LUZP2: variants seen among roughly 807,000 people sequenced by gnomAD.
The protein encoded by LUZP2 is leucine zipper protein 2.
LUZP2 carries 52 observed loss-of-function variants against 51.6 expected under a neutral mutation model. The ratio of observed to expected loss-of-function variants is 1.01; its 90% CI spans 0.81 to 1.27. LUZP2 has a LOEUF of 1.27. LUZP2 is among the 50% of genes most tolerant of loss of function. The pLI, the probability that LUZP2 is intolerant of heterozygous loss-of-function variation, is 0.00. For missense variants in LUZP2, 436 were observed against 395.4 expected (o/e 1.10, Z -0.87); for synonymous variants, 154 against 137.3 (o/e 1.12, Z -0.85).
At chr11:24,654,333 T>C (rs1855730382) in intron 1 of LUZP2, among the ~76,000 whole-genome samples, 1 of 152,242 alleles carries the variant, frequency 6.6e-6, no homozygotes, top group African/African-American at 2.4e-5. Context: ...GCTAAAACTT[T>C]GTCCTCACCC....
In LUZP2 at chr11:24,576,655, T is replaced by C. The variant is rs531623300; in HGVS notation, c.62+79350T>C. On this transcript the variant is annotated intron_variant, in intron 1 of 11. Coordinates refer to ENST00000336930, the MANE Select transcript of LUZP2 (RefSeq NM_001009909.4). ...CCAAACATTCTATTTTTGGAGGTAA[T>C]TGACAAAGTGAAAATTAAAAAGTAG... Among the ~76,000 whole-genome samples the C allele has an allele frequency of 2.6e-5, 4 of 152,012 alleles. No homozygotes were observed. The South Asian group carries it at 6.2e-4, about 24-fold the overall frequency.
intron 1 of LUZP2, among the ~76,000 whole-genome samples, chr11:24,674,693 C>T (rs1490851793): frequency 1.3e-5 from 2 of 152,026 alleles, no homozygotes; most frequent in Non-Finnish European, 2.9e-5. Context: ...TGCTACTGCC[C>T]ATGGACACAG....
chr11:24,893,173 C>T (rs1488865366), intron 5 of LUZP2: 1 of 152,148 alleles, frequency 6.6e-6, no homozygotes, highest in Non-Finnish European at 1.5e-5. Context: ...ACATAATACT[C>T]ATTATCAGGC....
At chr11:24,732,836 G>A (rs1426600427) in intron 3 of LUZP2, among the ~76,000 whole-genome samples, 3 of 151,726 alleles carry the variant, frequency 2.0e-5, no homozygotes, top group South Asian at 4.1e-4. Flanking sequence ...ATATTTTCTT[G>A]TTTCATCTTC....
At chr11:24,957,247 A>T (rs919078766) in intron 7 of LUZP2, among the ~76,000 whole-genome samples, 6 of 152,140 alleles carry the variant, frequency 3.9e-5, no homozygotes, top group African/African-American at 1.4e-4. Context: ...TTGGCAAATT[A>T]TACTTGTATA....
intron 1 of LUZP2, among the ~76,000 whole-genome samples, chr11:24,604,784 A>C (rs562352627): frequency 1.2e-3 from 177 of 151,934 alleles, no homozygotes; most frequent in African/African-American, 4.0e-3. Context: ...CACTTGTTTG[A>C]CTTTTTTCTT....
At chr11:24,641,861 G>A (rs528780061) in intron 1 of LUZP2, among the ~76,000 whole-genome samples, 7 of 151,900 alleles carry the variant, frequency 4.6e-5, no homozygotes, top group Admixed American at 2.0e-4. Flanking sequence ...AATAGTTCTC[G>A]AATTATTCAG....
intron 1 of LUZP2, among the ~76,000 whole-genome samples, chr11:24,583,220 TATAC>T (rs1852936700): frequency 6.6e-6 from 1 of 152,134 alleles, no homozygotes; most frequent in Non-Finnish European, 1.5e-5. Flanking sequence ...TATATTCATA[TATAC>T]ATTCATTCTC....
chr11:24,629,329 C>T (rs1854794298), intron 1 of LUZP2, among the ~76,000 whole-genome samples: 1 of 151,650 alleles, frequency 6.6e-6, no homozygotes, highest in Admixed American at 6.6e-5. Flanking sequence ...GAGAACATGC[C>T]ATATTTGTCT....
At chr11:25,040,342 G>GTTTTTTTTTTTTTTTTT (rs1491549909) in intron 9 of LUZP2, among the ~76,000 whole-genome samples, 2 of 34,022 alleles carry the variant, frequency 5.9e-5, no homozygotes, top group Admixed American at 3.9e-4. Context: ...CTTTCTTTCC[G>GTTTTTTTTTTTTTTTTT]ATTTTTTTTT....
At position 25,078,812 on chromosome 11, in the gene LUZP2, A is replaced by T; in HGVS notation, c.*154A>T. The T allele has an allele frequency of 1.6e-6, 1 of 613,600 alleles. No individual in the cohort carries two copies. The highest frequency in any genetic ancestry group is 2.8e-6 in the Non-Finnish European group (1 of 359,152). The allele number at this position is 613,600 out of a possible 1,614,324, so 38.0% of individuals were successfully genotyped here. On this transcript the variant is annotated 3_prime_UTR_variant, in exon 12 of 12. Transcript: ENST00000336930. ...TAGCCTACACATTTTCAAAGATTCCAGACCAATTATGATCCTTAAGCAATA... is the reference window on the plus strand; with the variant it reads ...TAGCCTACACATTTTCAAAGATTCCTGACCAATTATGATCCTTAAGCAATA...
At chr11:25,043,345 T>G (rs1858136115) in intron 9 of LUZP2, among the ~76,000 whole-genome samples, 1 of 152,126 alleles carries the variant, frequency 6.6e-6, no homozygotes, top group Non-Finnish European at 1.5e-5. Context: ...GGTCAATCTT[T>G]TTTTAATCCA....
intron 5 of LUZP2, among the ~76,000 whole-genome samples, chr11:24,889,853 C>T (rs1195558137): frequency 1.3e-5 from 2 of 152,140 alleles, no homozygotes; most frequent in Non-Finnish European, 2.9e-5. Flanking sequence ...AATCACTGTC[C>T]ATTTATGGAT....
chr11:24,643,533 A>ACAGATTTTGTTTCC (rs1311459670), intron 1 of LUZP2, among the ~76,000 whole-genome samples: 3 of 152,186 alleles, frequency 2.0e-5, no homozygotes, highest in African/African-American at 7.2e-5. Context: ...AATGCGCAGT[A>ACAGATTTTGTTTCC]CAGATTTTGT....
intron 1 of LUZP2, among the ~76,000 whole-genome samples, chr11:24,712,609 G>A (rs913642648): frequency 8.6e-5 from 13 of 152,038 alleles, no homozygotes; most frequent in African/African-American, 2.9e-4. Context: ...AGATATGGAG[G>A]GTGATCAAAT....
chr11:24,989,810 A>T (rs1248222013), intron 9 of LUZP2, among the ~76,000 whole-genome samples: 1 of 152,180 alleles, frequency 6.6e-6, no homozygotes, highest in African/African-American at 2.4e-5. Context: ...TATTTGACCT[A>T]CGTCATCCAA....
At chr11:24,545,821 A>C (rs1183869389) in intron 1 of LUZP2, among the ~76,000 whole-genome samples, 1 of 152,024 alleles carries the variant, frequency 6.6e-6, no homozygotes, top group Non-Finnish European at 1.5e-5. Flanking sequence ...AATTCTATGA[A>C]GAATGTCATT....
chr11:24,932,411 A>G (rs190516394), intron 7 of LUZP2, among the ~76,000 whole-genome samples: 1 of 151,758 alleles, frequency 6.6e-6, no homozygotes, highest in East Asian at 2.0e-4. Flanking sequence ...GTAGAGAAAG[A>G]CCTTCAGGTC....
chr11:24,675,506 G>A (rs1009430568), intron 1 of LUZP2, among the ~76,000 whole-genome samples: 1 of 152,106 alleles, frequency 6.6e-6, no homozygotes, highest in Non-Finnish European at 1.5e-5. Context: ...GCTTGCCATA[G>A]AGTACTTTCA....
Sources: gnomAD v4.1 joint callset for allele counts (sites outside exome capture counted in the v4.1 genomes callset) on GRCh38, gnomAD v4.1.1 for gene constraint, MANE v1.5 for transcripts, NCBI Gene and HGNC (gene_info 2026-07-23, HGNC 2026-07-21) for gene names.